The following GALNTL6 variants were observed in gnomAD, a reference collection of about 807,000 sequenced individuals.
GALNTL6 encodes polypeptide N-acetylgalactosaminyltransferase like 6.
Under a neutral mutation model 73.7 loss-of-function variants are expected in GALNTL6, and 46 were observed. That is an observed-to-expected ratio of 0.62 (90% CI 0.49 to 0.80). The LOEUF is 0.80. Among genes scored for constraint, GALNTL6 ranks in the 30% least tolerant of loss-of-function variants. GALNTL6 has a pLI of 0.00. For synonymous variants in GALNTL6, 259 were observed against 263.7 expected (o/e 0.98, Z 0.17); for missense variants, 604 against 755.0 (o/e 0.80, Z 2.34).
chr4:172,693,317 G>C (rs972003171), intron 5 of GALNTL6, among the ~76,000 whole-genome samples: 5 of 152,146 alleles, frequency 3.3e-5, no homozygotes, highest in South Asian at 2.1e-4. Context: ...TTATCAGTAA[G>C]TTATTAATTT....
chr4:172,580,744 G>A (rs1046283369), intron 5 of GALNTL6, among the ~76,000 whole-genome samples: 9 of 152,128 alleles, frequency 5.9e-5, no homozygotes, highest in Non-Finnish European at 8.8e-5. Context: ...TTATTTAACT[G>A]TAGGATTTTT....
At chr4:171,882,245 G>A (rs565462627) in intron 2 of GALNTL6, among the ~76,000 whole-genome samples, 7 of 152,004 alleles carry the variant, frequency 4.6e-5, no homozygotes, top group East Asian at 1.9e-4. Flanking sequence ...TTGTCATTTC[G>A]TTGTATCCTT....
chr4:172,809,444 A>G lies in GALNTL6; in HGVS notation c.637A>G (p.Ile213Val). The change falls in exon 6 of 13, where the codon ATC becomes GTC. Residue 213 changes from isoleucine to valine, a missense_variant. Physicochemically the swap from Ile to Val is conservative, Grantham distance 29. This residue lies in a region of GALNTL6 where 179 missense variants were observed against 230.8 expected (regional missense o/e 0.78). Coordinates refer to ENST00000506823, the MANE Select transcript of GALNTL6 (RefSeq NM_001034845.3). The surrounding 1 kb of genome is among the most constrained non-coding windows in gnomAD (Gnocchi z 4.4). ...TCGCACCAAGAAAAGAGAAGGACTC[A>G]TCCGGACCCGTCTCCTGGGGGCATC... Reference protein sequence around the residue: ...IVRTKKREGLIRTRLLGASMA... With the variant: ...IVRTKKREGLVRTRLLGASMA... 1 of 1,613,862 alleles carries G rather than the reference A, an allele frequency of 6.2e-7. No homozygotes were observed. The highest frequency in any genetic ancestry group is 8.5e-7 in the Non-Finnish European group (1 of 1,179,822).
intron 5 of GALNTL6, among the ~76,000 whole-genome samples, chr4:172,747,112 C>A (rs1250969751): frequency 6.6e-6 from 1 of 151,970 alleles, no homozygotes; most frequent in Non-Finnish European, 1.5e-5. Context: ...TAGTTATGAG[C>A]AAATTTAACT....
At chr4:172,584,998 G>A (rs541232567) in intron 5 of GALNTL6, among the ~76,000 whole-genome samples, 2 of 152,246 alleles carry the variant, frequency 1.3e-5, no homozygotes, top group South Asian at 4.1e-4. Context: ...AGTTATGCAA[G>A]AGAATGTGAT....
At chr4:172,947,879 G>A (rs2126331939) in intron 9 of GALNTL6, among the ~76,000 whole-genome samples, 1 of 152,244 alleles carries the variant, frequency 6.6e-6, no homozygotes, top group Non-Finnish European at 1.5e-5. Flanking sequence ...TTCCTGGAGT[G>A]GGTCAATTTA....
At chr4:172,761,300 A>G (rs2164827) in intron 5 of GALNTL6, among the ~76,000 whole-genome samples, 152,261 of 152,316 alleles carry the variant, frequency 1, 76,103 homozygotes, top group Non-Finnish European at 1. Context: ...GTGCTTCACT[A>G]GCAAACCTAG....
intron 9 of GALNTL6, among the ~76,000 whole-genome samples, chr4:172,934,631 G>A (rs1047247066): frequency 4.3e-4 from 64 of 150,472 alleles, no homozygotes; most frequent in Non-Finnish European, 5.1e-4. Context: ...GGGGCCTATT[G>A]TCAGCACACT....
At chr4:172,763,744 C>T (rs1738246629) in intron 5 of GALNTL6, among the ~76,000 whole-genome samples, 1 of 152,134 alleles carries the variant, frequency 6.6e-6, no homozygotes, top group Admixed American at 6.5e-5. Context: ...CTTAAACAAG[C>T]GGCTTAGATT....
At chr4:172,124,743 C>A (rs576470418) in intron 2 of GALNTL6, among the ~76,000 whole-genome samples, 1 of 151,974 alleles carries the variant, frequency 6.6e-6, no homozygotes, top group Admixed American at 6.6e-5. Flanking sequence ...GGAAAGTAAA[C>A]CTAGTACTTA....
At position 172,458,970 on chromosome 4, in the gene GALNTL6, T is replaced by C. The variant is rs1353271734; in HGVS notation, c.553+110281T>C. ...ATCGATGTGAAAATCCTCAATAAAA[T>C]ACTGGCAAACTAAATTCAGCAGCAC... On this transcript the variant is annotated intron_variant, in intron 5 of 12. Transcript: ENST00000506823. Among the ~76,000 whole-genome samples, 3 of 152,166 alleles carry C rather than the reference T, an allele frequency of 2.0e-5. No homozygotes were observed. The South Asian group carries it at 6.2e-4, about 31-fold the overall frequency.
chr4:171,925,013 C>T (rs1737936051), intron 2 of GALNTL6, among the ~76,000 whole-genome samples: 1 of 152,150 alleles, frequency 6.6e-6, no homozygotes, highest in South Asian at 2.1e-4. Context: ...GGGATGGTTT[C>T]CTAGAAGACA....
At chr4:171,972,114 C>T (rs1739589783) in intron 2 of GALNTL6, among the ~76,000 whole-genome samples, 1 of 152,126 alleles carries the variant, frequency 6.6e-6, no homozygotes, top group Admixed American at 6.6e-5. Context: ...TTGTTAATAT[C>T]CCGTTGTCCA....
intron 2 of GALNTL6, among the ~76,000 whole-genome samples, chr4:171,924,898 C>A (rs1020050551): frequency 1.3e-5 from 2 of 152,138 alleles, no homozygotes; most frequent in Admixed American, 1.3e-4. Context: ...AAAGAATGAA[C>A]ACCAGGAGGT....
At chr4:172,188,058 T>C (rs1735466462) in intron 2 of GALNTL6, among the ~76,000 whole-genome samples, 1 of 152,240 alleles carries the variant, frequency 6.6e-6, no homozygotes, top group Non-Finnish European at 1.5e-5. Context: ...CTGTTTTTTC[T>C]ACATAATCAT....
intron 2 of GALNTL6, among the ~76,000 whole-genome samples, chr4:172,187,838 A>G (rs1375046576): frequency 6.6e-6 from 1 of 152,100 alleles, no homozygotes. Context: ...GTTGAAGGTT[A>G]TGTTTGTCCT....
intron 5 of GALNTL6, among the ~76,000 whole-genome samples, chr4:172,482,049 G>A (rs936706285): frequency 2.0e-5 from 3 of 152,198 alleles, no homozygotes; most frequent in Admixed American, 2.0e-4. Flanking sequence ...GTGAGAATTC[G>A]AGCGCAGCGC....
rs1214874685 is a variant in GALNTL6, at chr4:172,206,775, G to GTTTTTTTTTT, written c.139-22875_139-22874insTTTTTTTTTT. Among the ~76,000 whole-genome samples, 7 of 79,784 alleles carry GTTTTTTTTTT rather than the reference G, an allele frequency of 8.8e-5. 3 individuals are homozygous for GTTTTTTTTTT. The East Asian group carries it at 4.9e-3, about 56-fold the overall frequency. The allele number at this position is 79,784 out of a possible 152,430, so 52.3% of individuals were successfully genotyped here. A position where few individuals can be genotyped will look rare whatever the true frequency, so the allele number is the denominator to read the frequency against. ...ATGCATATCAGAGCAGATGAAACGT[G>GTTTTTTTTTT]TTTTTTGTTTTGTTTTGTTTTGTTT... On this transcript the variant is annotated intron_variant, in intron 2 of 12. Transcript: ENST00000506823.
At chr4:172,423,109 C>G (rs1389739034) in intron 5 of GALNTL6, among the ~76,000 whole-genome samples, 1 of 151,806 alleles carries the variant, frequency 6.6e-6, no homozygotes. Flanking sequence ...TGCAAAATCC[C>G]ATCACTTCTT....
Sources: allele counts gnomAD v4.1 joint callset (sites outside exome capture counted in the v4.1 genomes callset), GRCh38; gene constraint gnomAD v4.1.1; regional missense constraint gnomAD v4.1.1; non-coding constraint Gnocchi (gnomAD v3.1); transcripts MANE v1.5; gene names NCBI Gene and HGNC (gene_info 2026-07-23, HGNC 2026-07-21).